JAKMIP3: variants seen among roughly 807,000 people sequenced by gnomAD.
JAKMIP3 encodes Janus kinase and microtubule interacting protein 3.
Under a neutral mutation model 118.5 loss-of-function variants are expected in JAKMIP3, and 58 were observed. The ratio of observed to expected loss-of-function variants is 0.49; its 90% CI spans 0.40 to 0.61. The LOEUF (loss-of-function observed/expected upper bound fraction) is 0.61, where lower values mean the gene tolerates loss of function less well. Ranked by LOEUF, JAKMIP3 falls within the 20% of genes least tolerant of loss-of-function variation. JAKMIP3 has a pLI of 0.00. For synonymous variants in JAKMIP3, 486 were observed against 451.2 expected (o/e 1.08, Z -0.98); for missense variants, 950 against 1,109.0 (o/e 0.86, Z 2.04).
Position 132,140,591 on chromosome 10 carries a change from CT to C in JAKMIP3, c.1473+13del. On this transcript the variant is annotated intron_variant, in intron 10 of 23. Coordinates refer to ENST00000684848, the MANE Select transcript of JAKMIP3 (RefSeq NM_001323087.2). ...ATGACTTGGAGGAGGTAACGAGGGTCTCCTGCCGGGTCCTGGGCTTGGAGGA... is the reference window on the plus strand; with the variant it reads ...ATGACTTGGAGGAGGTAACGAGGGTCCCTGCCGGGTCCTGGGCTTGGAGGA... 7.1e-7 allele frequency: 1 copy of C among 1,402,768 alleles called. No individual in the cohort carries two copies. Among genetic ancestry groups the C allele is most frequent in the Non-Finnish European group, 9.4e-7 (1 of 1,064,590 alleles). 86.9% of individuals were successfully genotyped at this position (1,402,768 alleles called of 1,614,324 possible).
intron 3 of JAKMIP3, among the ~76,000 whole-genome samples, chr10:132,122,518 C>G (rs1454713006): frequency 1.3e-5 from 2 of 152,216 alleles, no homozygotes; most frequent in Non-Finnish European, 2.9e-5. Flanking sequence ...GGGGCAGAAG[C>G]CCAGCCGGGC....
rs560266995 is a variant in JAKMIP3, at chr10:132,123,988, G to A, written c.633+6414G>A. On this transcript the variant is annotated intron_variant, in intron 3 of 23. Coordinates refer to ENST00000684848, the MANE Select transcript of JAKMIP3 (RefSeq NM_001323087.2). ...TTGAGAGCCTTTAGAGTCCCAGGGC[G>A]TGGCTGTGCCCACAGCCGAACTAAC... Among the ~76,000 whole-genome samples, 30 of 152,342 alleles carry A rather than the reference G, an allele frequency of 2.0e-4. No homozygotes were observed. In the East Asian group the frequency reaches 3.1e-3, roughly 16 times the overall value.
intron 17 of JAKMIP3, 114 bp downstream of exon 17, chr10:132,153,137 G>A (rs1229308698): frequency 2.5e-6 from 2 of 792,744 alleles, no homozygotes; most frequent in Non-Finnish European, 4.2e-6. Context: ...GGGTTTGGGG[G>A]GTCCACTAAG....
At chr10:132,159,518 GTCTTCCTGTGTGATGCTGGGAGGGTC>G (rs1286063813) in intron 19 of JAKMIP3, among the ~76,000 whole-genome samples, 2 of 105,862 alleles carry the variant, frequency 1.9e-5, no homozygotes, top group African/African-American at 7.5e-5. Context: ...CTGGGGGTGT[GTCTTCCTGTGTGATGCTGGGAGGGTC>G]TCTCCCTGTG....
intron 18 of JAKMIP3, 31 bp from the exon 19 acceptor site, chr10:132,153,882 G>A (rs749227198): frequency 1.4e-5 from 22 of 1,612,812 alleles, no homozygotes; most frequent in East Asian, 4.5e-5. Context: ...TGGGACATCC[G>A]AGACCGAGGC....
intron 1 of JAKMIP3, among the ~76,000 whole-genome samples, chr10:132,080,262 C>T (rs1215805602): frequency 6.6e-6 from 1 of 152,124 alleles, no homozygotes; most frequent in Non-Finnish European, 1.5e-5. Flanking sequence ...TACCAGGCTT[C>T]CAATTTCTGT....
At chr10:132,135,361 G>A (rs1443556917) in intron 5 of JAKMIP3, among the ~76,000 whole-genome samples, 1 of 152,224 alleles carries the variant, frequency 6.6e-6, no homozygotes, top group Admixed American at 6.5e-5. Flanking sequence ...CTCAAGGGCT[G>A]GTTGACTAAC....
chr10:132,121,066 G>A (rs996635448), intron 3 of JAKMIP3, among the ~76,000 whole-genome samples: 14 of 152,198 alleles, frequency 9.2e-5, no homozygotes, highest in African/African-American at 3.1e-4. Flanking sequence ...AAAAGTGGGA[G>A]GAAGGTGGAC....
rs191108329 is a variant in JAKMIP3, at chr10:132,085,098, G to A, written c.-138+19037G>A. Reference sequence around the variant, plus strand: ...GATACTGGCTTCATAGAATGATTTAGAGAGGATTCTCTCTTTCTCTATTTT... The same window carrying A: ...GATACTGGCTTCATAGAATGATTTAAAGAGGATTCTCTCTTTCTCTATTTT... On this transcript the variant is annotated intron_variant, in intron 1 of 23. Coordinates refer to ENST00000684848, the MANE Select transcript of JAKMIP3 (RefSeq NM_001323087.2). Among the ~76,000 whole-genome samples, 1,018 of 152,064 alleles carry A rather than the reference G, an allele frequency of 6.7e-3. 6 individuals are homozygous for A. The highest frequency in any genetic ancestry group is 0.012 in the Non-Finnish European group (815 of 68,020).
chr10:132,151,912 G>A (rs1271547053), intron 16 of JAKMIP3, among the ~76,000 whole-genome samples: 1 of 152,230 alleles, frequency 6.6e-6, no homozygotes, highest in African/African-American at 2.4e-5. Context: ...GGCTGACAGT[G>A]GCCCTTCAAG....
Position 132,165,286 on chromosome 10 carries a change from G to C in JAKMIP3, c.2490+551G>C, listed in dbSNP as rs370500072. Among the ~76,000 whole-genome samples, 250 of 152,250 alleles carry C rather than the reference G, an allele frequency of 1.6e-3. 2 individuals are homozygous for C. The highest frequency in any genetic ancestry group is 5.7e-3 in the African/African-American group (236 of 41,548). ...CTCTGTCCATGCACATAACAGACTT[G>C]GTGCTCCCCAAGTCAGGATGAGGGG... On this transcript the variant is annotated intron_variant, in intron 21 of 23. Coordinates refer to ENST00000684848, the MANE Select transcript of JAKMIP3 (RefSeq NM_001323087.2).
chr10:132,180,678 C>CGTGCGCGTGT (rs1323173621), intron 23 of JAKMIP3, among the ~76,000 whole-genome samples: 1 of 9,558 alleles, frequency 1.0e-4, no homozygotes, highest in African/African-American at 6.3e-4. Flanking sequence ...TGTGTGTGCG[C>CGTGCGCGTGT]GCGCGTGTGT....
At chr10:132,109,704 T>C (rs2046554177) in intron 2 of JAKMIP3, among the ~76,000 whole-genome samples, 1 of 152,134 alleles carries the variant, frequency 6.6e-6, no homozygotes, top group African/African-American at 2.4e-5. Context: ...TGAGTTGACC[T>C]TCGAGTCTTC....
intron 4 of JAKMIP3, among the ~76,000 whole-genome samples, chr10:132,134,432 A>G (rs572380812): frequency 5.9e-5 from 9 of 152,210 alleles, no homozygotes; most frequent in African/African-American, 2.2e-4. Flanking sequence ...TACAGCATTC[A>G]CTCCAGAGAG....
intron 16 of JAKMIP3, 55 bp downstream of exon 16, chr10:132,150,096 G>A: frequency 1.4e-6 from 2 of 1,450,030 alleles, no homozygotes; most frequent in Non-Finnish European, 1.9e-6. Context: ...CCCCAGCCCA[G>A]CCCCTCTGGG....
At chr10:132,088,139 G>A (rs1045702752) in intron 1 of JAKMIP3, among the ~76,000 whole-genome samples, 14 of 152,096 alleles carry the variant, frequency 9.2e-5, no homozygotes, top group South Asian at 4.2e-4. Flanking sequence ...CCAAGTCTTT[G>A]CTATTGTGAA....
chr10:132,122,219 C>T lies in JAKMIP3; in HGVS notation c.633+4645C>T, dbSNP rs533502319. Among the ~76,000 whole-genome samples, 568 of 151,176 alleles carry T rather than the reference C, an allele frequency of 3.8e-3. 1 individual carries two copies. The highest frequency in any genetic ancestry group is 6.5e-3 in the Non-Finnish European group (438 of 67,790). On this transcript the variant is annotated intron_variant, in intron 3 of 23. Coordinates refer to ENST00000684848, the MANE Select transcript of JAKMIP3 (RefSeq NM_001323087.2). ...CCGGCTGTCGGGGCCCTGACTGCCC[C>T]CCGGTCGGCTCCCCGGCTGTTGGGG... is the stretch of plus-strand genomic sequence containing the variant.
chr10:132,171,715 G>A (rs1175780955), intron 23 of JAKMIP3, among the ~76,000 whole-genome samples: 3 of 148,046 alleles, frequency 2.0e-5, no homozygotes, highest in African/African-American at 7.5e-5. Context: ...TCAGTGGCGC[G>A]ATCTCGGCTC....
At chr10:132,121,738 C>T (rs971590906) in intron 3 of JAKMIP3, among the ~76,000 whole-genome samples, 5 of 152,166 alleles carry the variant, frequency 3.3e-5, no homozygotes, top group Non-Finnish European at 5.9e-5. Context: ...ACTGTGGGAG[C>T]TGGGGGTTTC....
Sources: allele counts gnomAD v4.1 joint callset (sites outside exome capture counted in the v4.1 genomes callset), GRCh38; gene constraint gnomAD v4.1.1; transcripts MANE v1.5; gene names NCBI Gene and HGNC (gene_info 2026-07-23, HGNC 2026-07-21).